Variants in GALC observed in about 807,000 individuals in gnomAD.
The protein encoded by GALC is galactosylceramidase.
A neutral mutation model predicts 91.8 loss-of-function variants in GALC; 77 were observed. The observed-to-expected ratio is 0.84, with a 90% confidence interval of 0.70 to 1.01. The LOEUF is 1.01. GALC is among the 50% of genes least tolerant of loss of function. The pLI is 0.00. For missense variants in GALC, 882 were observed against 855.9 expected (o/e 1.03, Z -0.38); for synonymous variants, 357 against 306.7 (o/e 1.16, Z -1.71).
upstream of GALC, chr14:87,993,433 G>T: frequency 6.5e-7 from 1 of 1,535,868 alleles, no homozygotes; most frequent in South Asian, 1.2e-5. Flanking sequence ...ACGCAGGGAA[G>T]GTGGATTCCA....
intron 1 of GALC, among the ~76,000 whole-genome samples, chr14:87,991,686 G>A (rs1404119266): frequency 6.6e-6 from 1 of 152,200 alleles, no homozygotes; most frequent in Non-Finnish European, 1.5e-5. Flanking sequence ...TTCCTATGAG[G>A]AGTAATGAAC....
intron 10 of GALC, chr14:87,955,137 A>G: frequency 7.4e-7 from 1 of 1,345,726 alleles, no homozygotes; most frequent in Non-Finnish European, 1.1e-6. Flanking sequence ...ATCCATTACA[A>G]CAAGATTTCT....
intron 10 of GALC, chr14:87,953,143 A>AT (rs1885382206): frequency 1.4e-6 from 2 of 1,475,938 alleles, no homozygotes; most frequent in Admixed American, 3.4e-5. Context: ...AACACAGTAG[A>AT]TAAGCCAAGG....
At chr14:87,935,589 G>T (rs938960473) in intron 16 of GALC, among the ~76,000 whole-genome samples, 5 of 151,988 alleles carry the variant, frequency 3.3e-5, no homozygotes, top group African/African-American at 1.2e-4. Flanking sequence ...ATTCTACTTA[G>T]CTCAGTGCCT....
At position 87,971,100 on chromosome 14, in the gene GALC, A is replaced by G. The variant is rs1269566232; in HGVS notation, c.753-2610T>C. On this transcript the variant is annotated intron_variant, in intron 7 of 16. Transcript: ENST00000261304. ...AACATGACAGCAGCCCAGTTTCTGA[A>G]GCTCCTCAGTACTCCTCCTGAAACC... Among the ~76,000 whole-genome samples the G allele has an allele frequency of 3.3e-5, 5 of 152,194 alleles. No individual in the cohort carries two copies. The East Asian group carries it at 9.7e-4, about 29-fold the overall frequency.
intron 14 of GALC, among the ~76,000 whole-genome samples, 189 bp from the exon 15 acceptor site, chr14:87,941,747 C>A (rs1884864556): frequency 1.3e-5 from 2 of 151,992 alleles, no homozygotes; most frequent in African/African-American, 4.8e-5. Context: ...TGTTACATGA[C>A]TTAAGTCATT....
intron 1 of GALC, among the ~76,000 whole-genome samples, chr14:87,991,176 T>C (rs1297003489): frequency 6.6e-6 from 1 of 152,130 alleles, no homozygotes; most frequent in Non-Finnish European, 1.5e-5. Context: ...TTTTGTTTTG[T>C]TTCGCTTTGG....
Position 87,947,778 on chromosome 14 carries a change from G to A in GALC, c.1439C>T (p.Pro480Leu). Residue 480 changes from proline (P) to leucine (L), a missense_variant, in exon 13 of 17, where the codon CCT (proline) becomes CTT (leucine). Transcript: ENST00000261304. ...ACTTGGGAAGGGCTGGGATTTTGGA[G>A]GAAGCGGGTAGCTGCCTTTGCGACC... is the stretch of plus-strand genomic sequence containing the variant. Reference protein sequence around the residue: ...TTGRKGSYPLPPKSQPFPSTY... With the variant: ...TTGRKGSYPLLPKSQPFPSTY... 1 of 1,613,012 alleles carries A rather than the reference G, an allele frequency of 6.2e-7. No individual in the cohort carries two copies. Among genetic ancestry groups the A allele is most frequent in the Non-Finnish European group, 8.5e-7 (1 of 1,179,316 alleles).
chr14:87,974,676 T>C (rs1301747158), intron 7 of GALC, among the ~76,000 whole-genome samples: 1 of 152,062 alleles, frequency 6.6e-6, no homozygotes, highest in Non-Finnish European at 1.5e-5. Context: ...AATCAAAATA[T>C]GCTCTTGAGA....
At chr14:87,985,919 G>A (rs138770693) in intron 4 of GALC, among the ~76,000 whole-genome samples, 64 of 152,272 alleles carry the variant, frequency 4.2e-4, no homozygotes, top group African/African-American at 1.5e-3. Flanking sequence ...GACGGGATTG[G>A]CTTCCTGAGT....
intron 7 of GALC, among the ~76,000 whole-genome samples, chr14:87,970,048 C>T (rs929508427): frequency 6.6e-6 from 1 of 152,090 alleles, no homozygotes; most frequent in African/African-American, 2.4e-5. Context: ...AACTATAACG[C>T]CCAACCTGAA....
chr14:87,961,719 A>C (rs2139988269), intron 10 of GALC, among the ~76,000 whole-genome samples: 1 of 152,292 alleles, frequency 6.6e-6, no homozygotes, highest in South Asian at 2.1e-4. Flanking sequence ...GTTTCTGGTG[A>C]AGAAGATGAG....
intron 3 of GALC, chr14:87,987,013 G>A (rs891654798): frequency 3.5e-5 from 16 of 454,160 alleles, no homozygotes; most frequent in East Asian, 2.8e-4. Context: ...CCCTGGACTC[G>A]TGAGCCCTGT....
intron 10 of GALC, chr14:87,953,481 C>A (rs1271247261): frequency 6.3e-7 from 1 of 1,587,420 alleles, no homozygotes; most frequent in Non-Finnish European, 8.6e-7. Context: ...TAAACTCTGA[C>A]AAAGGTCCTG....
At chr14:87,967,062 G>T (rs1022265089) in intron 8 of GALC, among the ~76,000 whole-genome samples, 10 of 152,092 alleles carry the variant, frequency 6.6e-5, no homozygotes, top group African/African-American at 2.4e-4. Flanking sequence ...CGAGTGTCTC[G>T]GGTGCTTCTT....
rs749233234 is a variant in GALC, at chr14:87,984,533, C to G, written c.443G>C (p.Gly148Ala). The G allele has an allele frequency of 6.2e-7, 1 of 1,613,950 alleles. No individual in the cohort carries two copies. Among genetic ancestry groups the G allele is most frequent in the Non-Finnish European group, 8.5e-7 (1 of 1,180,026 alleles). ...CCATCCAGGGAATGACCATGGCAAC[C>G]CTGCAGAGAGAAGGGAGGAGGCAAA... ...KKRNPNITLI[G>A]LPWSFPGWLG... Residue 148 changes from glycine to alanine, a missense_variant and splice_region_variant, in exon 5 of 17, where the codon GGG (glycine) becomes GCG (alanine). Coordinates refer to ENST00000261304, the MANE Select transcript of GALC (RefSeq NM_000153.4).
intron 1 of GALC, among the ~76,000 whole-genome samples, chr14:87,991,564 C>T (rs1045388726): frequency 6.6e-6 from 1 of 152,188 alleles, no homozygotes; most frequent in African/African-American, 2.4e-5. Flanking sequence ...GATTAAATGA[C>T]AGCACTCTAA....
intron 1 of GALC, among the ~76,000 whole-genome samples, chr14:87,991,378 AT>A (rs1249215751): frequency 6.6e-6 from 1 of 151,958 alleles, no homozygotes; most frequent in East Asian, 1.9e-4. Flanking sequence ...AATTTTTTGT[AT>A]TTTTAGTAGA....
chr14:87,980,656 C>T (rs926922169), intron 6 of GALC: 17 of 178,010 alleles, frequency 9.6e-5, no homozygotes, highest in East Asian at 3.8e-4. Flanking sequence ...CTCCTCTGTG[C>T]GCCTTTTAAG....
Sources: gnomAD v4.1 joint callset for allele counts (sites outside exome capture counted in the v4.1 genomes callset) on GRCh38, gnomAD v4.1.1 for gene constraint, MANE v1.5 for transcripts, NCBI Gene and HGNC (gene_info 2026-07-23, HGNC 2026-07-21) for gene names.